TTBK2: variants seen among roughly 807,000 people sequenced by gnomAD.
TTBK2 encodes the protein tau-tubulin kinase 2.
Under a neutral mutation model 110.8 loss-of-function variants are expected in TTBK2, and 28 were observed. The ratio of observed to expected loss-of-function variants is 0.25; its 90% CI spans 0.19 to 0.35. TTBK2 has a LOEUF of 0.35. Ranked by LOEUF, TTBK2 falls within the 10% of genes least tolerant of loss-of-function variation. The pLI is 1.00. For missense variants in TTBK2, 1,369 were observed against 1,500.3 expected (o/e 0.91, Z 1.45); for synonymous variants, 532 against 527.3 (o/e 1.01, Z -0.12).
intron 13 of TTBK2, among the ~76,000 whole-genome samples, chr15:42,770,958 A>C (rs1889641611): frequency 6.7e-6 from 1 of 149,394 alleles, no homozygotes; most frequent in Non-Finnish European, 1.5e-5. Flanking sequence ...ACATGGAACT[A>C]TTTCTTTTTT....
chr15:42,811,618 AC>A, intron 8 of TTBK2, 69 bp downstream of exon 8: 1 of 1,255,316 alleles, frequency 8.0e-7, no homozygotes, highest in African/African-American at 1.5e-5. Flanking sequence ...TATATTTTCA[AC>A]AAAAATGTTT....
chr15:42,865,543 G>A (rs1894340717), intron 3 of TTBK2, among the ~76,000 whole-genome samples: 1 of 151,138 alleles, frequency 6.6e-6, no homozygotes, highest in Non-Finnish European at 1.5e-5. Context: ...ACAACAGGCT[G>A]GGCACAGTCG....
intron 5 of TTBK2, among the ~76,000 whole-genome samples, chr15:42,828,700 G>A (rs1478914145): frequency 4.1e-5 from 6 of 147,874 alleles, no homozygotes; most frequent in African/African-American, 1.5e-4. Context: ...TCCAGCCTGG[G>A]TGACAGAGTG....
intron 1 of TTBK2, among the ~76,000 whole-genome samples, chr15:42,906,673 A>G (rs2030418394): frequency 1.3e-5 from 2 of 152,184 alleles, no homozygotes; most frequent in African/African-American, 4.8e-5. Flanking sequence ...GCAAAAATAG[A>G]TAATTGGGAT....
At chr15:42,915,393 A>C (rs2031026282) in intron 1 of TTBK2, among the ~76,000 whole-genome samples, 1 of 152,224 alleles carries the variant, frequency 6.6e-6, no homozygotes, top group South Asian at 2.1e-4. Context: ...ATGGCCCTAA[A>C]ACACAAGAGT....
intron 4 of TTBK2, among the ~76,000 whole-genome samples, chr15:42,830,465 GGC>G (rs1892710095): frequency 1.3e-5 from 2 of 152,004 alleles, no homozygotes; most frequent in Non-Finnish European, 2.9e-5. Flanking sequence ...TGGGATTACA[GGC>G]ATGAACCACT....
intron 7 of TTBK2, among the ~76,000 whole-genome samples, chr15:42,812,345 A>C (rs540822274): frequency 1.3e-5 from 2 of 152,314 alleles, no homozygotes; most frequent in Non-Finnish European, 2.9e-5. Flanking sequence ...TGCTATCAAA[A>C]GAAAAAAATG....
chr15:42,835,168 T>G (rs1022192559), intron 4 of TTBK2, among the ~76,000 whole-genome samples: 1 of 152,126 alleles, frequency 6.6e-6, no homozygotes, highest in African/African-American at 2.4e-5. Context: ...TAATGGATGA[T>G]GATTACAAAT....
chr15:42,884,101 C>T (rs146201866), intron 1 of TTBK2, among the ~76,000 whole-genome samples: 29 of 152,162 alleles, frequency 1.9e-4, no homozygotes, highest in African/African-American at 7.0e-4. Context: ...AAAAGACCAT[C>T]AAAACACATG....
intron 1 of TTBK2, among the ~76,000 whole-genome samples, chr15:42,884,629 C>G (rs1596021640): frequency 6.6e-6 from 1 of 152,198 alleles, no homozygotes; most frequent in East Asian, 1.9e-4. Flanking sequence ...TTCGGCCCCA[C>G]TCACAAGCTC....
Position 42,751,992 on chromosome 15 carries a change from C to T in TTBK2, c.3254G>A (p.Arg1085Lys), listed in dbSNP as rs1333769773. The change falls in exon 14 of 15, where the codon AGG becomes AAG. Residue 1085 changes from arginine (R) to lysine (K), a missense_variant. Physicochemically the swap from Arg to Lys is conservative, Grantham distance 26. Transcript: ENST00000267890. The stretch of plus-strand genomic sequence containing the variant: ...GCATTACCTGGCTTCTACTCCAGGC[C>T]TCGTGGGTGGCTTTCCTGGTGGTGG... ...PRPPPGKPPTRPGVEARLRRY... is the reference protein window; with the variant it reads ...PRPPPGKPPTKPGVEARLRRY... 1 of 1,613,994 alleles carries T rather than the reference C, an allele frequency of 6.2e-7. No individual in the cohort carries two copies. Among genetic ancestry groups the T allele is most frequent in the African/African-American group, 1.3e-5 (1 of 74,904 alleles).
intron 11 of TTBK2, among the ~76,000 whole-genome samples, chr15:42,778,027 AAAAG>A (rs1288418842): frequency 6.6e-6 from 1 of 152,152 alleles, no homozygotes; most frequent in East Asian, 1.9e-4. Context: ...GCCAAAAAAA[AAAAG>A]AGAGAGAATC....
At chr15:42,920,367 G>C (rs2031304851) in intron 1 of TTBK2, 71 bp downstream of exon 1, 1 of 152,514 alleles carries the variant, frequency 6.6e-6, no homozygotes, top group Non-Finnish European at 1.5e-5. Context: ...ACTCGGCGAG[G>C]GGTGCGGCCG....
Position 42,840,343 on chromosome 15 carries a change from T to C in TTBK2, c.291+17A>G. The stretch of plus-strand genomic sequence containing the variant: ...CAAAACTGAAGAATTTAAAGATACG[T>C]TTTCAAGGTAACCTACCTGCAACTG... On this transcript the variant is annotated intron_variant, in intron 4 of 14. Transcript: ENST00000267890. 6.2e-7 allele frequency: 1 copy of C among 1,610,000 alleles called. No individual in the cohort carries two copies. Among genetic ancestry groups the C allele is most frequent in the South Asian group, 1.1e-5 (1 of 90,994 alleles).
rs776603377 is a variant in TTBK2, at chr15:42,802,140, C to A, written c.823-7339G>T. 8.4e-6 allele frequency: 12 copies of A among 1,422,804 alleles called. No individual in the cohort carries two copies. In the East Asian group the frequency reaches 2.5e-4, roughly 30 times the overall value. The allele number at this position is 1,422,804 out of a possible 1,614,324, so 88.1% of individuals were successfully genotyped here. Reference sequence around the variant, plus strand: ...TGTTGAGGGTCTTGATCTGCTTCTCCTCCTGGGTGCGCACGGCCTGGATGT... The same window carrying A: ...TGTTGAGGGTCTTGATCTGCTTCTCATCCTGGGTGCGCACGGCCTGGATGT... On this transcript the variant is annotated intron_variant, in intron 9 of 14. Coordinates refer to ENST00000267890, the MANE Select transcript of TTBK2 (RefSeq NM_173500.4).
At chr15:42,911,427 C>G (rs2030748783) in intron 1 of TTBK2, among the ~76,000 whole-genome samples, 1 of 152,202 alleles carries the variant, frequency 6.6e-6, no homozygotes, top group Non-Finnish European at 1.5e-5. Context: ...CATAGCAAGA[C>G]CTTGTCTCTA....
intron 1 of TTBK2, among the ~76,000 whole-genome samples, chr15:42,905,509 G>A (rs1047952664): frequency 1.3e-5 from 2 of 151,844 alleles, no homozygotes; most frequent in African/African-American, 2.4e-5. Context: ...TTCCCAACTC[G>A]GCTTCCCAAA....
intron 13 of TTBK2, among the ~76,000 whole-genome samples, chr15:42,765,994 C>G (rs544795319): frequency 1.3e-5 from 2 of 152,214 alleles, no homozygotes; most frequent in South Asian, 4.2e-4. Flanking sequence ...AATTTTCAAC[C>G]CAGAATTTCA....
chr15:42,755,324 A>C (rs534609354), intron 13 of TTBK2, among the ~76,000 whole-genome samples: 134 of 152,332 alleles, frequency 8.8e-4, no homozygotes, highest in Middle Eastern at 6.8e-3. Context: ...ATGAATTTGG[A>C]TTAGTCATAG....
Sources: allele counts gnomAD v4.1 joint callset (sites outside exome capture counted in the v4.1 genomes callset), GRCh38; gene constraint gnomAD v4.1.1; transcripts MANE v1.5; gene names NCBI Gene and HGNC (gene_info 2026-07-23, HGNC 2026-07-21).